Variants in CDK17 observed in about 807,000 individuals in gnomAD.
CDK17 encodes cyclin-dependent kinase 17.
A neutral mutation model predicts 77.6 loss-of-function variants in CDK17; 24 were observed. The observed-to-expected ratio is 0.31, with a 90% confidence interval of 0.22 to 0.44. The LOEUF is 0.44. CDK17 is among the 20% of genes least tolerant of loss of function. The pLI, the probability that CDK17 is intolerant of heterozygous loss-of-function variation, is 1.00. For synonymous variants in CDK17, 203 were observed against 210.4 expected (o/e 0.96, Z 0.30); for missense variants, 429 against 622.5 (o/e 0.69, Z 3.31).
chr12:96,285,645 CAG>C (rs1049210437), intron 13 of CDK17: 3 of 152,608 alleles, frequency 2.0e-5, no homozygotes, highest in African/African-American at 7.2e-5. Context: ...AGGAATTGGA[CAG>C]AGTTTATATT....
At chr12:96,377,399 T>C (rs1953795627) in intron 1 of CDK17, among the ~76,000 whole-genome samples, 1 of 151,824 alleles carries the variant, frequency 6.6e-6, no homozygotes, top group Non-Finnish European at 1.5e-5. Flanking sequence ...AACAGAAAAT[T>C]CCTGAAAACA....
chr12:96,314,363 G>GTTTTA (rs71907418), intron 3 of CDK17, among the ~76,000 whole-genome samples: 2 of 151,784 alleles, frequency 1.3e-5, no homozygotes, highest in Middle Eastern at 3.2e-3. Flanking sequence ...GTTTTGTTTT[G>GTTTTA]TTTTATTTTA....
intron 1 of CDK17, among the ~76,000 whole-genome samples, chr12:96,393,464 G>A (rs1241188892): frequency 6.6e-6 from 1 of 151,622 alleles, no homozygotes; most frequent in Non-Finnish European, 1.5e-5. Flanking sequence ...TGGGCACAGT[G>A]GCTCACACCT....
chr12:96,283,303 C>T (rs1057462386), intron 14 of CDK17, among the ~76,000 whole-genome samples: 4 of 151,922 alleles, frequency 2.6e-5, no homozygotes, highest in Admixed American at 6.6e-5. Context: ...AAAGGCTGTA[C>T]GTATAAGGAA....
chr12:96,295,596 T>C (rs914353742), intron 9 of CDK17, among the ~76,000 whole-genome samples: 2 of 151,806 alleles, frequency 1.3e-5, no homozygotes, highest in East Asian at 1.9e-4. Flanking sequence ...GGCACTGGAA[T>C]TGGCGATTTT....
chr12:96,324,134 A>G, intron 2 of CDK17, 22 bp from the exon 3 acceptor site: 4 of 1,576,344 alleles, frequency 2.5e-6, no homozygotes, highest in Non-Finnish European at 3.4e-6. Context: ...AGAATTCGAA[A>G]ATCATTCCAT....
chr12:96,316,734 G>A (rs1386295483), intron 3 of CDK17, among the ~76,000 whole-genome samples: 4 of 125,772 alleles, frequency 3.2e-5, no homozygotes, highest in South Asian at 5.2e-4. Flanking sequence ...CAACAGACCT[G>A]CAGCTGAGGG....
intron 1 of CDK17, among the ~76,000 whole-genome samples, chr12:96,375,976 G>A (rs763681762): frequency 6.6e-6 from 1 of 152,160 alleles, no homozygotes; most frequent in Non-Finnish European, 1.5e-5. Context: ...CTTTGCAAAT[G>A]AGCCTAAGAA....
At chr12:96,361,176 T>C (rs1003742932) in intron 1 of CDK17, among the ~76,000 whole-genome samples, 2 of 152,076 alleles carry the variant, frequency 1.3e-5, no homozygotes, top group South Asian at 2.1e-4. Context: ...AGGGAGGAAA[T>C]GGCTAGTTGA....
intron 6 of CDK17, among the ~76,000 whole-genome samples, chr12:96,299,635 C>T (rs1228117554): frequency 2.6e-5 from 4 of 152,160 alleles, no homozygotes; most frequent in South Asian, 2.1e-4. Flanking sequence ...GTGATTCACC[C>T]GCCTTGGCCT....
At chr12:96,374,088 T>C (rs1201444333) in intron 1 of CDK17, among the ~76,000 whole-genome samples, 4 of 152,198 alleles carry the variant, frequency 2.6e-5, no homozygotes, top group African/African-American at 7.2e-5. Context: ...CTGATTTATG[T>C]TCTGTATATA....
At chr12:96,308,676 C>T (rs1387740828) in intron 5 of CDK17, among the ~76,000 whole-genome samples, 1 of 150,086 alleles carries the variant, frequency 6.7e-6, no homozygotes, top group Admixed American at 6.7e-5. Flanking sequence ...TGCAGTGAGC[C>T]AAAATTGCAC....
intron 7 of CDK17, 49 bp downstream of exon 7, chr12:96,298,820 C>T (rs1415406902): frequency 1.0e-6 from 1 of 959,684 alleles, no homozygotes; most frequent in South Asian, 1.6e-5. Context: ...AAAAAATAGA[C>T]ACTTATTCCA....
chr12:96,361,429 A>G (rs1341153322), intron 1 of CDK17, among the ~76,000 whole-genome samples: 1 of 152,216 alleles, frequency 6.6e-6, no homozygotes, highest in African/African-American at 2.4e-5. Context: ...AAAGAGAAAT[A>G]TAGTCTGTAG....
At chr12:96,385,571 A>G (rs1353871326) in intron 1 of CDK17, among the ~76,000 whole-genome samples, 1 of 152,212 alleles carries the variant, frequency 6.6e-6, no homozygotes, top group African/African-American at 2.4e-5. Context: ...ATTATCAAAC[A>G]ACATGAAATG....
chr12:96,297,454 C>G, intron 8 of CDK17, 122 bp from the exon 9 acceptor site: 1 of 751,418 alleles, frequency 1.3e-6, no homozygotes, highest in Non-Finnish European at 2.2e-6. Context: ...GCACCATACA[C>G]ATAATTTAAT....
chr12:96,338,304 T>G (rs1953074401), intron 1 of CDK17, among the ~76,000 whole-genome samples: 1 of 152,232 alleles, frequency 6.6e-6, no homozygotes, highest in Non-Finnish European at 1.5e-5. Flanking sequence ...TCAAGCTACA[T>G]ACCTTTTCCC....
chr12:96,399,029 G>A (rs564618961), intron 1 of CDK17: 1 of 152,256 alleles, frequency 6.6e-6, no homozygotes, highest in African/African-American at 2.4e-5. Flanking sequence ...TTCAGGGTCA[G>A]AACAAGCTCA....
intron 1 of CDK17, among the ~76,000 whole-genome samples, chr12:96,349,438 A>G: frequency 6.6e-6 from 1 of 151,888 alleles, no homozygotes; most frequent in Non-Finnish European, 1.5e-5. Flanking sequence ...GGGCAACAAG[A>G]GCAAAACCCT....
Sources: allele counts gnomAD v4.1 joint callset (sites outside exome capture counted in the v4.1 genomes callset), GRCh38; gene constraint gnomAD v4.1.1; transcripts MANE v1.5; gene names NCBI Gene and HGNC (gene_info 2026-07-23, HGNC 2026-07-21).